CHL1: variants seen among roughly 807,000 people sequenced by gnomAD.
CHL1 encodes neural cell adhesion molecule L1-like protein.
Under a neutral mutation model 141.9 loss-of-function variants are expected in CHL1, and 96 were observed. That is an observed-to-expected ratio of 0.68 (90% CI 0.57 to 0.80). CHL1 has a LOEUF of 0.80. CHL1 is among the 30% of genes least tolerant of loss of function. The pLI is 0.00. For synonymous variants in CHL1, 613 were observed against 502.2 expected (o/e 1.22, Z -2.95); for missense variants, 1,820 against 1,457.2 (o/e 1.25, Z -4.05).
At chr3:339,696 C>T (rs1036834389) in intron 5 of CHL1, among the ~76,000 whole-genome samples, 2 of 152,132 alleles carry the variant, frequency 1.3e-5, no homozygotes, top group African/African-American at 4.8e-5. Flanking sequence ...CAGCAAATTC[C>T]CTCAACCTCT....
chr3:304,338 C>T (rs1289214828), intron 2 of CHL1, among the ~76,000 whole-genome samples: 2 of 152,132 alleles, frequency 1.3e-5, no homozygotes, highest in Non-Finnish European at 2.9e-5. Context: ...CTTTGTACCT[C>T]TGGTAGAATA....
rs181526872 is a variant in CHL1, at chr3:212,206, A to C, written c.-175+15143A>C. 2.2e-4 allele frequency among the ~76,000 whole-genome samples: 33 copies of C among 152,190 alleles called. 1 individual carries two copies. Among genetic ancestry groups the C allele is most frequent in the African/African-American group, 7.0e-4 (29 of 41,544 alleles). ...AGGTTTCTACAACGAGTTTGCATTAAAAAAAACTTGTTGGGGGTTCTGGAA... is the reference window on the plus strand; with the variant it reads ...AGGTTTCTACAACGAGTTTGCATTACAAAAAACTTGTTGGGGGTTCTGGAA... On this transcript the variant is annotated intron_variant, in intron 1 of 27. Coordinates refer to ENST00000256509, the MANE Select transcript of CHL1 (RefSeq NM_006614.4).
intron 1 of CHL1, among the ~76,000 whole-genome samples, chr3:228,602 A>G (rs1701585933): frequency 6.6e-6 from 1 of 152,198 alleles, no homozygotes; most frequent in African/African-American, 2.4e-5. Flanking sequence ...ACATAAATTG[A>G]ATGCTCATGA....
chr3:297,570 A>G (rs1039090090), intron 2 of CHL1, among the ~76,000 whole-genome samples: 5 of 152,254 alleles, frequency 3.3e-5, no homozygotes, highest in Admixed American at 2.0e-4. Context: ...ACAACATATT[A>G]TATTTTAAAA....
At chr3:390,216 T>C (rs1453672163) in intron 20 of CHL1, among the ~76,000 whole-genome samples, 1 of 152,228 alleles carries the variant, frequency 6.6e-6, no homozygotes, top group Non-Finnish European at 1.5e-5. Flanking sequence ...CTGCTCTGTA[T>C]TTGGCTTATT....
intron 1 of CHL1, among the ~76,000 whole-genome samples, chr3:215,535 A>ACAG (rs1700244883): frequency 6.6e-6 from 1 of 152,196 alleles, no homozygotes; most frequent in Non-Finnish European, 1.5e-5. Context: ...GTATTTCCAA[A>ACAG]TAACTAGAAG....
chr3:353,663 C>A (rs1703458632), intron 10 of CHL1, among the ~76,000 whole-genome samples: 1 of 152,108 alleles, frequency 6.6e-6, no homozygotes, highest in Admixed American at 6.6e-5. Context: ...TCCTCTTTTT[C>A]TTCCTTTACT....
chr3:360,939 G>A (rs1446318592), intron 12 of CHL1, among the ~76,000 whole-genome samples: 3 of 151,318 alleles, frequency 2.0e-5, no homozygotes, highest in East Asian at 1.9e-4. Flanking sequence ...TTTTATGGCT[G>A]CATAGTATTC....
At chr3:314,329 G>GTGTGTATATATA (rs1455318071) in intron 2 of CHL1, among the ~76,000 whole-genome samples, 4 of 65,342 alleles carry the variant, frequency 6.1e-5, no homozygotes, top group African/African-American at 2.1e-4. Context: ...CTCTCTATGT[G>GTGTGTATATATA]TATATATATA....
chr3:378,170 G>A (rs1488925697), intron 16 of CHL1, among the ~76,000 whole-genome samples: 2 of 152,030 alleles, frequency 1.3e-5, no homozygotes, highest in Non-Finnish European at 2.9e-5. Flanking sequence ...TTTGCCAATA[G>A]CAGTGGGAGG....
intron 1 of CHL1, among the ~76,000 whole-genome samples, chr3:225,401 T>C (rs758093643): frequency 3.3e-5 from 5 of 152,248 alleles, no homozygotes; most frequent in Admixed American, 6.5e-5. Context: ...TTATATAGCA[T>C]ATTTAAACAT....
intron 1 of CHL1, among the ~76,000 whole-genome samples, chr3:233,430 C>G (rs1477011720): frequency 2.0e-5 from 3 of 152,114 alleles, no homozygotes; most frequent in African/African-American, 7.2e-5. Flanking sequence ...ACTTACCTAA[C>G]CAAATAACTA....
At chr3:343,075 A>G in intron 8 of CHL1, 44 bp downstream of exon 8, 1 of 1,468,208 alleles carries the variant, frequency 6.8e-7, no homozygotes, top group African/African-American at 1.4e-5. Context: ...TGTATAGCTC[A>G]TTGTCATCTC....
chr3:311,893 T>A (rs1374170744), intron 2 of CHL1, among the ~76,000 whole-genome samples: 4 of 152,198 alleles, frequency 2.6e-5, no homozygotes, highest in Non-Finnish European at 4.4e-5. Flanking sequence ...AATAACTTAA[T>A]GTTGGGATTA....
Position 236,888 on chromosome 3 carries a change from CA to C in CHL1, c.-174-7714del, listed in dbSNP as rs10665933. Among the ~76,000 whole-genome samples the C allele has an allele frequency of 9.6e-3, 1,365 of 142,174 alleles. 86 individuals are homozygous for C. The highest frequency in any genetic ancestry group is 0.035 in the African/African-American group (1,237 of 35,254). The allele number at this position is 142,174 out of a possible 152,430, so 93.3% of individuals were successfully genotyped here. On this transcript the variant is annotated intron_variant, in intron 1 of 27. Transcript: ENST00000256509. ...AAAAAATAATCATAGACTTTTAGGG[CA>C]AAAAAAAAAACCTTGTAAATAGCAT... is the stretch of plus-strand genomic sequence containing the variant.
intron 5 of CHL1, chr3:328,599 C>G (rs3773416): frequency 0.08 from 27,302 of 339,834 alleles, 1,972 homozygotes; most frequent in East Asian, 0.29. Context: ...ATAATATCTG[C>G]TTTGCCTTAT....
chr3:240,684 A>C (rs969982420), intron 1 of CHL1, among the ~76,000 whole-genome samples: 1 of 152,156 alleles, frequency 6.6e-6, no homozygotes. Flanking sequence ...CAATGTCTAG[A>C]AGAGTTTTTC....
chr3:397,355 T>C (rs1373435470), intron 24 of CHL1, among the ~76,000 whole-genome samples: 1 of 152,080 alleles, frequency 6.6e-6, no homozygotes, highest in Non-Finnish European at 1.5e-5. Context: ...TAATTTTTAT[T>C]TTATAGTGAA....
chr3:298,187 T>TA (rs772073093), intron 2 of CHL1, among the ~76,000 whole-genome samples: 40 of 152,284 alleles, frequency 2.6e-4, no homozygotes, highest in Non-Finnish European at 3.8e-4. Flanking sequence ...TAAATAGGCA[T>TA]AAAAAATGTG....
Sources: allele counts gnomAD v4.1 joint callset (sites outside exome capture counted in the v4.1 genomes callset), GRCh38; gene constraint gnomAD v4.1.1; transcripts MANE v1.5; gene names NCBI Gene and HGNC (gene_info 2026-07-23, HGNC 2026-07-21).